Variants in FERRY3 observed in about 807,000 individuals in gnomAD.
FERRY3 encodes protein C12orf4.
the FERRY3 span, among the ~76,000 whole-genome samples, chr12:4,512,346 T>C: frequency 3.9e-5 from 6 of 152,020 alleles, no homozygotes; most frequent in Admixed American, 2.6e-4. Flanking sequence ...TCTGAAACTA[T>C]TCCAATCAAT....
the FERRY3 span, among the ~76,000 whole-genome samples, chr12:4,507,625 T>C: frequency 2.0e-5 from 3 of 152,192 alleles, no homozygotes; most frequent in African/African-American, 2.4e-5. Context: ...TTACTACTTA[T>C]AGTAACAAAA....
At chr12:4,529,221 A>T in the FERRY3 span, among the ~76,000 whole-genome samples, 3 of 152,190 alleles carry the variant, frequency 2.0e-5, no homozygotes, top group Non-Finnish European at 4.4e-5. Flanking sequence ...AAATAATAAA[A>T]GCATTGTTTG....
At chr12:4,500,408 T>C in the FERRY3 span, 1 of 1,378,964 alleles carries the variant, frequency 7.3e-7, no homozygotes, top group Non-Finnish European at 1.0e-6. Flanking sequence ...ATGGGCTTTA[T>C]AAGTAAGTGT....
chr12:4,489,283 A>G, the FERRY3 span: 3 of 152,692 alleles, frequency 2.0e-5, no homozygotes, highest in Admixed American at 6.5e-5. Flanking sequence ...GAAACAGGAG[A>G]ATTTAAAAGA....
chr12:4,491,705 T>A, the FERRY3 span, among the ~76,000 whole-genome samples: 1 of 152,190 alleles, frequency 6.6e-6, no homozygotes, highest in Non-Finnish European at 1.5e-5. Flanking sequence ...TTTCTAATCT[T>A]CAGTCAAATA....
At chr12:4,512,284 G>A in the FERRY3 span, among the ~76,000 whole-genome samples, 2 of 149,512 alleles carry the variant, frequency 1.3e-5, no homozygotes, top group African/African-American at 5.0e-5. Flanking sequence ...GGACCAGATG[G>A]ATTCACAGCC....
the FERRY3 span, among the ~76,000 whole-genome samples, chr12:4,514,137 T>A: frequency 5.9e-5 from 9 of 151,528 alleles, no homozygotes; most frequent in Middle Eastern, 6.8e-3. Context: ...AAAAAACACA[T>A]GAAAAAATGC....
chr12:4,500,107 A>C, the FERRY3 span: 1 of 1,564,376 alleles, frequency 6.4e-7, no homozygotes, highest in Non-Finnish European at 8.8e-7. Context: ...TATGTAAATC[A>C]TAAAATTACA....
chr12:4,518,293 A>T, the FERRY3 span: 1 of 1,567,204 alleles, frequency 6.4e-7, no homozygotes, highest in Non-Finnish European at 8.8e-7. Context: ...ATACTTAAGC[A>T]GCTACAGAAA....
the FERRY3 span, among the ~76,000 whole-genome samples, chr12:4,505,802 G>A: frequency 1.3e-5 from 2 of 152,300 alleles, no homozygotes; most frequent in South Asian, 4.1e-4. Context: ...TCATTAGATA[G>A]TTGTGGTGTG....
chr12:4,534,050 TG>T, the FERRY3 span: 1 of 1,218,968 alleles, frequency 8.2e-7, no homozygotes, highest in Non-Finnish European at 1.1e-6. Flanking sequence ...ATATTGTATG[TG>T]GAGAAAAAGG....
the FERRY3 span, among the ~76,000 whole-genome samples, chr12:4,509,654 G>GCC: frequency 4.2e-5 from 6 of 143,644 alleles, no homozygotes; most frequent in African/African-American, 8.3e-5. Flanking sequence ...ACCTCACACG[G>GCC]CAGGGTATTC....
the FERRY3 span, chr12:4,518,863 T>C: frequency 3.8e-6 from 6 of 1,580,122 alleles, no homozygotes; most frequent in Admixed American, 5.4e-5. Flanking sequence ...CTGACTTGGC[T>C]GAACTTTAAT....
At chr12:4,527,603 AAATT>A in the FERRY3 span, among the ~76,000 whole-genome samples, 1 of 152,126 alleles carries the variant, frequency 6.6e-6, no homozygotes, top group African/African-American at 2.4e-5. Flanking sequence ...ATGGATAAAT[AAATT>A]AAGCACCAAA....
chr12:4,531,178 T>C, the FERRY3 span, among the ~76,000 whole-genome samples: 1 of 152,244 alleles, frequency 6.6e-6, no homozygotes, highest in Non-Finnish European at 1.5e-5. Context: ...GGCAGGAGAC[T>C]AGCTGAACCT....
At chr12:4,532,178 C>T in the FERRY3 span, among the ~76,000 whole-genome samples, 1 of 151,256 alleles carries the variant, frequency 6.6e-6, no homozygotes, top group Non-Finnish European at 1.5e-5. Flanking sequence ...CAGTGTGGCC[C>T]AGGGAAGCCA....
At chr12:4,536,455 C>T in the FERRY3 span, among the ~76,000 whole-genome samples, 1 of 150,956 alleles carries the variant, frequency 6.6e-6, no homozygotes, top group African/African-American at 2.4e-5. Flanking sequence ...AAAATTATGG[C>T]CATAAAGTAC....
chr12:4,489,674 C>T, the FERRY3 span: 1 of 625,428 alleles, frequency 1.6e-6, no homozygotes, highest in Non-Finnish European at 2.8e-6. Flanking sequence ...GTTTCACACA[C>T]ATGTATCTTG....
chr12:4,498,350 A>C, the FERRY3 span, among the ~76,000 whole-genome samples: 1 of 152,340 alleles, frequency 6.6e-6, no homozygotes, highest in East Asian at 1.9e-4. Context: ...CCTTTTATAG[A>C]TAGACTAGTT....
Sources: gnomAD v4.1 joint callset for allele counts (sites outside exome capture counted in the v4.1 genomes callset) on GRCh38, gnomAD v4.1.1 for gene constraint, MANE v1.5 for transcripts, NCBI Gene and HGNC (gene_info 2026-07-23, HGNC 2026-07-21) for gene names.